The following CSRP1 variants were observed in gnomAD, a reference collection of about 807,000 sequenced individuals.
CSRP1 encodes cysteine and glycine rich protein 1.
A neutral mutation model predicts 25.4 loss-of-function variants in CSRP1; 16 were observed. The observed-to-expected ratio is 0.63, with a 90% CI of 0.43 to 0.96. CSRP1 has a LOEUF of 0.96. Among genes scored for constraint, CSRP1 ranks in the 40% least tolerant of loss-of-function variants. The pLI, the probability that CSRP1 is intolerant of heterozygous loss-of-function variation, is 0.00. For missense variants in CSRP1, 212 were observed against 243.6 expected (o/e 0.87, Z 0.86); for synonymous variants, 97 against 95.3 (o/e 1.02, Z -0.10).
intron 1 of CSRP1, among the ~76,000 whole-genome samples, chr1:201,504,819 C>A (rs1664769295): frequency 6.6e-6 from 1 of 151,794 alleles, no homozygotes; most frequent in Non-Finnish European, 1.5e-5. Flanking sequence ...AAACACCAGG[C>A]CGGGCGCAGT....
chr1:201,486,889 C>G, intron 4 of CSRP1: 1 of 1,240,040 alleles, frequency 8.1e-7, no homozygotes. Context: ...CTTAGCTATT[C>G]TTAATAATTT....
At chr1:201,485,738 A>G in intron 4 of CSRP1, 1 of 261,578 alleles carries the variant, frequency 3.8e-6, no homozygotes, top group Non-Finnish European at 7.5e-6. Flanking sequence ...CAGTGGTGTG[A>G]GCCAGGGCTT....
Position 201,484,716 on chromosome 1 carries a change from C to T in CSRP1, c.579G>A (p.Glu193=). Residue 193 remains glutamate (E), a synonymous_variant, in exon 6 of 6, where the codon GAG becomes GAA. Transcript: ENST00000340006. ...GQGAGALVHS[E] is the part of the protein sequence containing the mutation. ...GGTGTGGTGGGTGATGGTGGCCTCACTCAGAGTGGACCAAGGCCCCAGCTC... is the reference window on the plus strand; with the variant it reads ...GGTGTGGTGGGTGATGGTGGCCTCATTCAGAGTGGACCAAGGCCCCAGCTC... 6.2e-7 allele frequency: 1 copy of T among 1,610,460 alleles called. No homozygotes were observed. Among genetic ancestry groups the T allele is most frequent in the South Asian group, 1.1e-5 (1 of 89,666 alleles).
Position 201,484,269 on chromosome 1 carries a change from C to G in CSRP1, c.*444G>C, listed in dbSNP as rs537545752. 1.2e-5 allele frequency: 6 copies of G among 506,542 alleles called. 1 individual carries two copies. The highest frequency in any genetic ancestry group is 1.9e-5 in the African/African-American group (1 of 53,066). The allele number at this position is 506,542 out of a possible 1,614,324, so 31.4% of individuals were successfully genotyped here. A position where few individuals can be genotyped will look rare whatever the true frequency, so the allele number is the denominator to read the frequency against. ...ACCTCTTTCCCACAGAGGAGAATCT[C>G]TGAGATCCAAAAAACCCAGCCTTCC... On this transcript the variant is annotated 3_prime_UTR_variant, in exon 6 of 6. Coordinates refer to ENST00000340006, the MANE Select transcript of CSRP1 (RefSeq NM_004078.3).
At chr1:201,497,766 C>T (rs1664555181) in intron 1 of CSRP1, among the ~76,000 whole-genome samples, 1 of 152,052 alleles carries the variant, frequency 6.6e-6, no homozygotes, top group Non-Finnish European at 1.5e-5. Context: ...AATCCCAGCA[C>T]TTTGGGAGGC....
intron 4 of CSRP1, 98 bp from the exon 5 acceptor site, chr1:201,485,474 C>T: frequency 9.9e-7 from 1 of 1,010,490 alleles, no homozygotes; most frequent in Admixed American, 2.0e-5. Flanking sequence ...TATAAGGGCT[C>T]AAGCCACTTC....
chr1:201,485,890 C>G (rs914956038), intron 4 of CSRP1: 1 of 153,644 alleles, frequency 6.5e-6, no homozygotes, highest in African/African-American at 2.4e-5. Context: ...TAGGACTTTC[C>G]CTGCTGAGTT....
At chr1:201,505,591 C>T (rs1460165306) in intron 1 of CSRP1, among the ~76,000 whole-genome samples, 1 of 152,224 alleles carries the variant, frequency 6.6e-6, no homozygotes, top group Non-Finnish European at 1.5e-5. Flanking sequence ...CCACACTACA[C>T]CCTCTGCAGG....
intron 1 of CSRP1, among the ~76,000 whole-genome samples, chr1:201,500,695 G>A (rs1664645198): frequency 6.6e-6 from 1 of 152,258 alleles, no homozygotes; most frequent in Admixed American, 6.5e-5. Flanking sequence ...GACCCTGCCT[G>A]TGGGGAAGAG....
At position 201,483,776 on chromosome 1, in the gene CSRP1, AAG is replaced by A; in HGVS notation, c.*935_*936del. ...AGAGGCAGGGTCTTGGGTTAAAGGG[AAG>A]ATTCTGAGGTCTCAGGGCAAAGGGA... On this transcript the variant is annotated 3_prime_UTR_variant, in exon 6 of 6. Transcript: ENST00000340006. 1 of 475,728 alleles carries A rather than the reference AAG, an allele frequency of 2.1e-6. No homozygotes were observed. Among genetic ancestry groups the A allele is most frequent in the Non-Finnish European group, 3.8e-6 (1 of 261,392 alleles). 29.5% of individuals were successfully genotyped at this position (475,728 alleles called of 1,614,324 possible).
At position 201,490,197 on chromosome 1, in the gene CSRP1, G is replaced by C; in HGVS notation, c.260C>G (p.Ser87Trp). ...AGTLSTDKGE[S>W]LGIKHEEAPG... ...TCACTCCTCGTGCTTGATACCCAGC[G>C]ACTCCCCCTTGTCAGTGCTGAGGGT... Residue 87 changes from serine to tryptophan, a missense_variant, in exon 3 of 6, where the codon TCG (serine) becomes TGG (tryptophan). By Grantham distance (177) the Ser-to-Trp change is radical. Transcript: ENST00000340006. 1.2e-6 allele frequency: 2 copies of C among 1,613,834 alleles called. No homozygotes were observed. The highest frequency in any genetic ancestry group is 1.7e-6 in the Non-Finnish European group (2 of 1,179,806).
In CSRP1 at chr1:201,490,159, G is replaced by A. The variant is rs775462710; in HGVS notation, c.281+17C>T. 7.5e-6 allele frequency: 12 copies of A among 1,607,258 alleles called. No homozygotes were observed. Among genetic ancestry groups the A allele is most frequent in the Non-Finnish European group, 1.0e-5 (12 of 1,174,982 alleles). ...AGAGAGCTCAAGAAAAAGGTTGGGA[G>A]GGGATCTTTTACTCACTCCTCGTGC... On this transcript the variant is annotated intron_variant, in intron 3 of 5. Coordinates refer to ENST00000340006, the MANE Select transcript of CSRP1 (RefSeq NM_004078.3).
At chr1:201,502,275 G>A (rs1664694656) in intron 1 of CSRP1, among the ~76,000 whole-genome samples, 1 of 152,250 alleles carries the variant, frequency 6.6e-6, no homozygotes, top group African/African-American at 2.4e-5. Flanking sequence ...AAACCTGTCA[G>A]ATGTTTATCT....
intron 1 of CSRP1, among the ~76,000 whole-genome samples, chr1:201,499,910 C>T (rs888169598): frequency 6.6e-6 from 1 of 152,226 alleles, no homozygotes; most frequent in African/African-American, 2.4e-5. Context: ...GCATGAGTCA[C>T]TGCTCCCAGC....
At chr1:201,503,582 C>G (rs1292937649) in intron 1 of CSRP1, among the ~76,000 whole-genome samples, 1 of 152,170 alleles carries the variant, frequency 6.6e-6, no homozygotes, top group Non-Finnish European at 1.5e-5. Flanking sequence ...CCTTCTGGCC[C>G]TGGGGAAGCA....
intron 4 of CSRP1, chr1:201,488,585 C>T (rs944936354): frequency 1.1e-5 from 3 of 266,382 alleles, no homozygotes; most frequent in South Asian, 7.1e-5. Flanking sequence ...TTCTGTTCTC[C>T]TATATTAGAG....
chr1:201,490,021 T>C, intron 3 of CSRP1, 155 bp downstream of exon 3: 1 of 700,742 alleles, frequency 1.4e-6, no homozygotes. Flanking sequence ...TGCAGCAGCC[T>C]GACACATAGA....
At position 201,487,224 on chromosome 1, in the gene CSRP1, C is replaced by A; in HGVS notation, c.411+1631G>T. Reference sequence around the variant, plus strand: ...CCAGGCTGGTTCAAGACCAGCCTGGCCAACATGGTCAAACCCCATCTTCAC... The same window carrying A: ...CCAGGCTGGTTCAAGACCAGCCTGGACAACATGGTCAAACCCCATCTTCAC... On this transcript the variant is annotated intron_variant, in intron 4 of 5. Transcript: ENST00000340006. 4 of 212,046 alleles carry A rather than the reference C, an allele frequency of 1.9e-5. No individual in the cohort carries two copies. In the South Asian group the frequency reaches 1.9e-4, roughly 10 times the overall value. 13.1% of individuals were successfully genotyped at this position (212,046 alleles called of 1,614,324 possible).
At chr1:201,500,770 G>A (rs1428569122) in intron 1 of CSRP1, among the ~76,000 whole-genome samples, 2 of 152,210 alleles carry the variant, frequency 1.3e-5, no homozygotes, top group African/African-American at 4.8e-5. Context: ...CTCCCTTTCT[G>A]CCCTTCTCTC....
Sources: allele counts gnomAD v4.1 joint callset (sites outside exome capture counted in the v4.1 genomes callset), GRCh38; gene constraint gnomAD v4.1.1; transcripts MANE v1.5; gene names NCBI Gene and HGNC (gene_info 2026-07-23, HGNC 2026-07-21).